Variants in FREM1 observed in about 807,000 individuals in gnomAD.
FREM1 encodes the protein FRAS1-related extracellular matrix protein 1.
In FREM1, 220 loss-of-function variants were observed where a neutral mutation model predicts 210.1. The observed-to-expected ratio is 1.05, with a 90% CI of 0.94 to 1.17. FREM1 has a LOEUF of 1.17. Among genes scored for constraint, FREM1 ranks in the 50% most tolerant of loss-of-function variants. FREM1 has a pLI of 0.00. For synonymous variants in FREM1, 1,189 were observed against 980.2 expected (o/e 1.21, Z -3.98); for missense variants, 3,454 against 2,675.5 (o/e 1.29, Z -6.42).
At chr9:14,830,660 T>A (rs1381113769) in intron 10 of FREM1, among the ~76,000 whole-genome samples, 1 of 152,192 alleles carries the variant, frequency 6.6e-6, no homozygotes, top group Non-Finnish European at 1.5e-5. Context: ...TGTTTCTGTA[T>A]GGGGGAGCTT....
At chr9:14,779,391 A>G (rs754245793) in intron 24 of FREM1, 32 of 551,728 alleles carry the variant, frequency 5.8e-5, no homozygotes, top group Non-Finnish European at 7.1e-5. Context: ...AGTATGTCAA[A>G]TATCAGCAGA....
chr9:14,746,306 A>C (rs1363104928), intron 35 of FREM1, 47 bp downstream of exon 35: 1 of 1,335,100 alleles, frequency 7.5e-7, no homozygotes, highest in African/African-American at 1.4e-5. Context: ...CAAATAGAGA[A>C]ATAGAGAAAA....
chr9:14,755,693 T>C (rs984133524), intron 29 of FREM1, among the ~76,000 whole-genome samples: 4 of 152,242 alleles, frequency 2.6e-5, no homozygotes, highest in Admixed American at 6.5e-5. Flanking sequence ...CTTCTTCATC[T>C]AAATGCTAAA....
chr9:14,875,794 A>T (rs980684053), intron 1 of FREM1, among the ~76,000 whole-genome samples: 16 of 151,800 alleles, frequency 1.1e-4, no homozygotes, highest in Admixed American at 1.0e-3. Flanking sequence ...TTTTTTCCCC[A>T]TCTTTGTGGT....
chr9:14,789,564 G>C (rs1221468629), intron 22 of FREM1, among the ~76,000 whole-genome samples: 1 of 152,064 alleles, frequency 6.6e-6, no homozygotes, highest in African/African-American at 2.4e-5. Flanking sequence ...TACTGGGCTT[G>C]TCTGAAGTAG....
In FREM1 at chr9:14,748,645, G is replaced by C. The variant is rs750862182; in HGVS notation, c.5558-6C>G. On this transcript the variant is annotated splice_region_variant and splice_polypyrimidine_tract_variant and intron_variant, in intron 30 of 36. Coordinates refer to ENST00000380880, the MANE Select transcript of FREM1 (RefSeq NM_001379081.2). ...ATATGAAGGATGGCATTGTCCTGGA[G>C]GCATGCAAGATGGCAGGCGGTCAGT... The C allele has an allele frequency of 7.6e-6, 12 of 1,589,142 alleles. No individual in the cohort carries two copies. Among genetic ancestry groups the C allele is most frequent in the Non-Finnish European group, 1.0e-5 (12 of 1,160,444 alleles).
intron 27 of FREM1, among the ~76,000 whole-genome samples, chr9:14,766,198 G>C (rs1378675287): frequency 6.6e-6 from 1 of 152,140 alleles, no homozygotes; most frequent in Non-Finnish European, 1.5e-5. Context: ...GATAAAATTA[G>C]ACAACTCATG....
At chr9:14,827,112 T>C (rs1422735749) in intron 10 of FREM1, among the ~76,000 whole-genome samples, 1 of 152,186 alleles carries the variant, frequency 6.6e-6, no homozygotes, top group Admixed American at 6.5e-5. Context: ...AAAAAGCCTA[T>C]ATTGCTGTGA....
rs1842718058 is a variant in FREM1 at position 14,747,700 on chromosome 9, C to T, written c.5825G>A (p.Gly1942Glu). 14 of 1,542,068 alleles carry T rather than the reference C, an allele frequency of 9.1e-6. No individual in the cohort carries two copies. Among genetic ancestry groups the T allele is most frequent in the Admixed American group, 6.0e-5 (3 of 50,138 alleles). ...TVRPSSVYRN[G>E]TDIIYNYHGI... ...ACTTACATTATAGATGATGTCTGTTCCATTTCTATAAACAGAGGATGGACG... is the reference window on the plus strand; with the variant it reads ...ACTTACATTATAGATGATGTCTGTTTCATTTCTATAAACAGAGGATGGACG... The change falls in exon 32 of 37, where the codon GGA becomes GAA. Residue 1942 changes from glycine (G) to glutamate (E), a missense_variant. Transcript: ENST00000380880.
chr9:14,865,573 T>TGTTAATACA (rs1831353970), intron 2 of FREM1, among the ~76,000 whole-genome samples: 1 of 152,154 alleles, frequency 6.6e-6, no homozygotes, highest in Non-Finnish European at 1.5e-5. Flanking sequence ...AGCAGGGTGT[T>TGTTAATACA]GTTAATACAG....
At chr9:14,798,372 G>C (rs2133217590) in intron 20 of FREM1, among the ~76,000 whole-genome samples, 1 of 152,196 alleles carries the variant, frequency 6.6e-6, no homozygotes, top group South Asian at 2.1e-4. Context: ...CAACTTTTCG[G>C]GGCTCAAGTG....
Position 14,857,687 on chromosome 9 carries a change from T to G in FREM1, c.694A>C (p.Ser232Arg). The change falls in exon 5 of 37, where the codon AGC becomes CGC. Residue 232 changes from serine to arginine, a missense_variant. Ser to Arg is a moderately radical substitution (Grantham distance 110). Transcript: ENST00000380880. ...AACTCCTCACAGCTCACTTTGAGGC[T>G]TCCTATTTTCTTTAATCCTGGGGTA... is the stretch of plus-strand genomic sequence containing the variant. ...SCTPGLKKIG[S>R]LKVSCEEFLL... 1 of 1,613,746 alleles carries G rather than the reference T, an allele frequency of 6.2e-7. No homozygotes were observed. The highest frequency in any genetic ancestry group is 8.5e-7 in the Non-Finnish European group (1 of 1,179,752).
At chr9:14,771,313 T>C (rs1847530900) in intron 25 of FREM1, among the ~76,000 whole-genome samples, 2 of 152,180 alleles carry the variant, frequency 1.3e-5, no homozygotes, top group African/African-American at 4.8e-5. Context: ...TTTTTTGGCA[T>C]GTCTTTTTTC....
intron 35 of FREM1, among the ~76,000 whole-genome samples, chr9:14,741,888 C>A (rs1239750631): frequency 6.6e-6 from 1 of 152,110 alleles, no homozygotes; most frequent in East Asian, 1.9e-4. Context: ...ATCTTTAAAA[C>A]AAACTTGGTA....
chr9:14,763,690 A>G (rs541276604), intron 27 of FREM1, among the ~76,000 whole-genome samples: 91 of 152,290 alleles, frequency 6.0e-4, no homozygotes, highest in African/African-American at 2.1e-3. Context: ...CCCAATTTAA[A>G]ATCACAATGT....
At chr9:14,765,889 T>C (rs567960759) in intron 27 of FREM1, among the ~76,000 whole-genome samples, 1 of 152,212 alleles carries the variant, frequency 6.6e-6, no homozygotes, top group Non-Finnish European at 1.5e-5. Flanking sequence ...ACGTAGAAGC[T>C]GTATTAGGAA....
chr9:14,789,011 T>C lies in FREM1; in HGVS notation c.4085A>G (p.Gln1362Arg). 11 of 1,612,472 alleles carry C rather than the reference T, an allele frequency of 6.8e-6. No homozygotes were observed. The highest frequency in any genetic ancestry group is 9.3e-6 in the Non-Finnish European group (11 of 1,179,332). ...RYTHTGAMDS[Q>R]NQDSFTFYLW... The stretch of plus-strand genomic sequence containing the variant: ...GTAGAAGGTGAAGCTATCTTGATTC[T>C]GGGAATCCATTGCCCCGGTGTGTGT... The change falls in exon 23 of 37, where the codon CAG becomes CGG. Residue 1362 changes from glutamine (Q) to arginine (R), a missense_variant. Gln to Arg is a conservative substitution (Grantham distance 43). Transcript: ENST00000380880.
intron 23 of FREM1, among the ~76,000 whole-genome samples, chr9:14,788,004 G>C (rs1850681738): frequency 2.0e-5 from 3 of 151,944 alleles, no homozygotes; most frequent in Middle Eastern, 6.8e-3. Flanking sequence ...TAAAAATTTA[G>C]GACAATTATA....
intron 8 of FREM1, among the ~76,000 whole-genome samples, chr9:14,843,505 AGG>A (rs1826051796): frequency 1.3e-5 from 2 of 152,140 alleles, no homozygotes; most frequent in African/African-American, 4.8e-5. Flanking sequence ...ATAGGTAGGT[AGG>A]TAGGTAGGTA....
Sources: allele counts gnomAD v4.1 joint callset (sites outside exome capture counted in the v4.1 genomes callset), GRCh38; gene constraint gnomAD v4.1.1; transcripts MANE v1.5; gene names NCBI Gene and HGNC (gene_info 2026-07-23, HGNC 2026-07-21).